Variants in RASGRF2 observed in about 807,000 individuals in gnomAD.
RASGRF2 encodes the protein Ras protein specific guanine nucleotide releasing factor 2.
Under a neutral mutation model 151.0 loss-of-function variants are expected in RASGRF2, and 76 were observed. The observed-to-expected ratio is 0.50, with a 90% CI of 0.42 to 0.61. The LOEUF (loss-of-function observed/expected upper bound fraction) is 0.61. Ranked by LOEUF, RASGRF2 falls within the 20% of genes least tolerant of loss-of-function variation. The pLI is 0.00. For synonymous variants in RASGRF2, 504 were observed against 566.5 expected (o/e 0.89, Z 1.57); for missense variants, 1,148 against 1,564.6 (o/e 0.73, Z 4.49).
At chr5:81,018,336 A>C (rs111362307) in intron 1 of RASGRF2, among the ~76,000 whole-genome samples, 1,773 of 152,238 alleles carry the variant, frequency 0.012, 36 homozygotes, top group African/African-American at 0.04. Flanking sequence ...TGCCGACCTT[A>C]CTGTTATTTT....
chr5:81,007,246 A>G (rs1749302130), intron 1 of RASGRF2, among the ~76,000 whole-genome samples: 1 of 152,320 alleles, frequency 6.6e-6, no homozygotes, highest in East Asian at 1.9e-4. Context: ...CTACACTTTC[A>G]TAATGCTCAA....
intron 18 of RASGRF2, among the ~76,000 whole-genome samples, chr5:81,192,230 A>G (rs1243021268): frequency 6.6e-6 from 1 of 152,226 alleles, no homozygotes; most frequent in African/African-American, 2.4e-5. Flanking sequence ...GATGATTGTC[A>G]GGCATATATT....
At chr5:81,062,697 G>T (rs191002344) in intron 2 of RASGRF2, among the ~76,000 whole-genome samples, 1 of 152,182 alleles carries the variant, frequency 6.6e-6, no homozygotes, top group Admixed American at 6.5e-5. Flanking sequence ...GAAATGTACC[G>T]TGTCATTGAA....
chr5:81,106,443 G>GTT (rs913554941), intron 12 of RASGRF2, among the ~76,000 whole-genome samples: 1 of 152,076 alleles, frequency 6.6e-6, no homozygotes, highest in Non-Finnish European at 1.5e-5. Flanking sequence ...ATCTTTCAGC[G>GTT]TAAGTGAGCT....
In RASGRF2 at chr5:81,157,171, G is replaced by A. The variant is rs1754279733; in HGVS notation, c.2687-23004G>A. On this transcript the variant is annotated intron_variant, in intron 17 of 26. Transcript: ENST00000265080. ...ACGAGGTCAGGAGATCGAGACCACG[G>A]TGAAACCCTGTCTCTATTAAAAATA... Among the ~76,000 whole-genome samples the A allele has an allele frequency of 2.0e-5, 3 of 151,856 alleles. No homozygotes were observed. The South Asian group carries it at 6.2e-4, about 32-fold the overall frequency.
rs191140329 is a variant in RASGRF2 at position 81,029,427 on chromosome 5, C to T, written c.289-13450C>T. Among the ~76,000 whole-genome samples the T allele has an allele frequency of 6.6e-4, 101 of 152,288 alleles. 1 individual carries two copies. Among genetic ancestry groups the T allele is most frequent in the African/African-American group, 2.3e-3 (96 of 41,568 alleles). On this transcript the variant is annotated intron_variant, in intron 1 of 26. Transcript: ENST00000265080. ...GGGGCTGACTGACACCTCATATGGC[C>T]GGGTGCCCCTCTGAGATGAAGCTTC...
At chr5:81,211,687 T>C (rs996031486) in intron 22 of RASGRF2, among the ~76,000 whole-genome samples, 2 of 152,204 alleles carry the variant, frequency 1.3e-5, no homozygotes, top group Non-Finnish European at 2.9e-5. Flanking sequence ...TATATTCCCT[T>C]TGTTAATACG....
intron 12 of RASGRF2, among the ~76,000 whole-genome samples, chr5:81,103,536 C>A (rs890859614): frequency 3.3e-5 from 5 of 151,990 alleles, no homozygotes; most frequent in Admixed American, 2.6e-4. Context: ...AAGATGCAGT[C>A]TCCAGAGAGA....
Position 81,212,502 on chromosome 5 carries a change from C to T in RASGRF2, c.3293C>T (p.Ser1098Leu), listed in dbSNP as rs1755649313. The T allele has an allele frequency of 6.2e-7, 1 of 1,613,408 alleles. No individual in the cohort carries two copies. The highest frequency in any genetic ancestry group is 8.5e-7 in the Non-Finnish European group (1 of 1,179,816). The change falls in exon 23 of 27, where the codon TCG (serine) becomes TTG (leucine). Residue 1098 changes from serine to leucine, a missense_variant. By Grantham distance (145) the Ser-to-Leu change is moderately radical. This residue lies in a region of RASGRF2 where 5 missense variants were observed against 28.1 expected (regional missense o/e 0.18). Coordinates refer to ENST00000265080, the MANE Select transcript of RASGRF2 (RefSeq NM_006909.3). ...HNYNGVLEIT[S>L]ALNRSAIYRL... is the part of the protein sequence containing the mutation. ...TACAACGGCGTGCTGGAGATCACCT[C>T]GGCCTTAAACAGAAGTGCCATCTAC...
chr5:80,981,368 A>T (rs1391478698), intron 1 of RASGRF2, among the ~76,000 whole-genome samples: 1 of 152,086 alleles, frequency 6.6e-6, no homozygotes, highest in Non-Finnish European at 1.5e-5. Context: ...GCTTAAAAAA[A>T]GTTTACAAAT....
At chr5:81,207,645 C>T (rs538964014) in intron 21 of RASGRF2, among the ~76,000 whole-genome samples, 4 of 152,350 alleles carry the variant, frequency 2.6e-5, no homozygotes, top group East Asian at 3.9e-4. Context: ...TATGCTGCAT[C>T]TCACTTGTCC....
intron 1 of RASGRF2, among the ~76,000 whole-genome samples, chr5:80,992,509 C>A (rs1317190381): frequency 6.6e-6 from 1 of 152,250 alleles, no homozygotes; most frequent in African/African-American, 2.4e-5. Flanking sequence ...GAGGGAGATA[C>A]AATCAGGTTC....
intron 1 of RASGRF2, among the ~76,000 whole-genome samples, chr5:81,022,619 C>G (rs958682461): frequency 2.6e-5 from 4 of 152,172 alleles, no homozygotes; most frequent in African/African-American, 9.7e-5. Flanking sequence ...CCACGTGTGT[C>G]CCTGCCTCCC....
chr5:81,216,025 AAC>A (rs1195149977), intron 24 of RASGRF2, 70 bp downstream of exon 24: 2 of 1,295,564 alleles, frequency 1.5e-6, no homozygotes, highest in African/African-American at 3.1e-5. Context: ...ATAGTATACA[AAC>A]AGTGACCTAC....
intron 21 of RASGRF2, 99 bp from the exon 22 acceptor site, chr5:81,208,255 C>G: frequency 9.7e-7 from 1 of 1,029,842 alleles, no homozygotes; most frequent in South Asian, 1.5e-5. Context: ...TAGGCCATGT[C>G]AAATGGAATT....
intron 15 of RASGRF2, 99 bp from the exon 16 acceptor site, chr5:81,123,543 C>T (rs1260332196): frequency 1.5e-6 from 2 of 1,375,422 alleles, no homozygotes; most frequent in African/African-American, 2.9e-5. Context: ...TAATGAAATG[C>T]TTATTATCTG....
chr5:81,059,670 C>T (rs1327632460), intron 2 of RASGRF2, among the ~76,000 whole-genome samples: 1 of 151,676 alleles, frequency 6.6e-6, no homozygotes, highest in Non-Finnish European at 1.5e-5. Context: ...GATGGTGAAA[C>T]CCCGTCTCTA....
intron 1 of RASGRF2, among the ~76,000 whole-genome samples, chr5:80,992,816 G>A (rs1372878897): frequency 1.3e-5 from 2 of 152,194 alleles, no homozygotes; most frequent in African/African-American, 4.8e-5. Context: ...GAGGTGGAAA[G>A]AAAAGAAGCA....
chr5:81,127,866 C>T (rs1158785297), intron 17 of RASGRF2, among the ~76,000 whole-genome samples: 2 of 133,558 alleles, frequency 1.5e-5, no homozygotes, highest in Non-Finnish European at 1.5e-5. Flanking sequence ...GGAGGTTGCA[C>T]TAAGCCAAGA....
Sources: allele counts gnomAD v4.1 joint callset (sites outside exome capture counted in the v4.1 genomes callset), GRCh38; gene constraint gnomAD v4.1.1; regional missense constraint gnomAD v4.1.1; transcripts MANE v1.5; gene names NCBI Gene and HGNC (gene_info 2026-07-23, HGNC 2026-07-21).